The following EFL1 variants were observed in gnomAD, a reference collection of about 807,000 sequenced individuals.
The protein encoded by EFL1 is elongation factor-like GTPase 1.
In EFL1, 76 loss-of-function variants were observed where a neutral mutation model predicts 126.7. The observed-to-expected ratio is 0.60, with a 90% CI of 0.50 to 0.73. The LOEUF is 0.73. Ranked by LOEUF, EFL1 falls within the 30% of genes least tolerant of loss-of-function variation. The pLI is 0.00. For missense variants in EFL1, 1,128 were observed against 1,343.2 expected, an observed-to-expected ratio of 0.84 and a Z score of 2.50; for synonymous variants, 410 against 448.4, an observed-to-expected ratio of 0.91 and a Z score of 1.08.
At chr15:82,243,967 G>A (rs1272047013) in intron 4 of EFL1, among the ~76,000 whole-genome samples, 1 of 152,076 alleles carries the variant, frequency 6.6e-6, no homozygotes, top group Non-Finnish European at 1.5e-5. Flanking sequence ...ACATATTAAA[G>A]GTTCAGAGAA....
rs111707224 is a variant in EFL1, at chr15:82,141,687, CA to C, written c.2990-2846del. Reference sequence around the variant, plus strand: ...AGACTCGGTCTCCAAAAAAAAAAACCAAAAAAAAAAAAACAAAAAAGAAACG... The same window carrying C: ...AGACTCGGTCTCCAAAAAAAAAAACCAAAAAAAAAAAACAAAAAAGAAACG... On this transcript the variant is annotated intron_variant, in intron 18 of 19. Coordinates refer to ENST00000268206, the MANE Select transcript of EFL1 (RefSeq NM_024580.6). Among the ~76,000 whole-genome samples, 891 of 111,748 alleles carry C rather than the reference CA, an allele frequency of 8.0e-3. 5 individuals carry two copies. The highest frequency in any genetic ancestry group is 0.01 in the Non-Finnish European group (557 of 55,098). The allele number at this position is 111,748 out of a possible 152,430, so 73.3% of individuals were successfully genotyped here.
intron 18 of EFL1, among the ~76,000 whole-genome samples, chr15:82,146,867 A>G (rs968991604): frequency 3.3e-5 from 5 of 152,152 alleles, no homozygotes; most frequent in African/African-American, 1.2e-4. Context: ...TGCTCCAGAG[A>G]GAGGTGACAA....
rs190945911 is a variant in EFL1, at chr15:82,235,027, G to A, written c.731+3280C>T. On this transcript the variant is annotated intron_variant, in intron 7 of 19. Coordinates refer to ENST00000268206, the MANE Select transcript of EFL1 (RefSeq NM_024580.6). ...ACATGGCCTCAGCATGTGCAAATTC[G>A]GGAGAGGCAATAAGAAGAAATAAGG... 3.3e-5 allele frequency among the ~76,000 whole-genome samples: 5 copies of A among 152,118 alleles called. No homozygotes were observed. In the East Asian group the frequency reaches 5.8e-4, roughly 18 times the overall value.
At chr15:82,253,638 T>G (rs1225865651) in intron 3 of EFL1, among the ~76,000 whole-genome samples, 5 of 152,132 alleles carry the variant, frequency 3.3e-5, no homozygotes, top group Non-Finnish European at 7.4e-5. Context: ...GAAACAGAAG[T>G]CTCTAGAAGC....
chr15:82,184,824 T>C (rs1234259553), intron 15 of EFL1, among the ~76,000 whole-genome samples: 1 of 151,978 alleles, frequency 6.6e-6, no homozygotes, highest in Non-Finnish European at 1.5e-5. Context: ...TGAAATAGAG[T>C]GAAACAATCT....
intron 18 of EFL1, among the ~76,000 whole-genome samples, chr15:82,147,850 AGAAG>A (rs1436536822): frequency 1.3e-5 from 2 of 152,162 alleles, no homozygotes; most frequent in Admixed American, 6.5e-5. Flanking sequence ...CATGCACAGT[AGAAG>A]GAAGAAGAGG....
chr15:82,191,055 C>A (rs1204844272), intron 15 of EFL1, among the ~76,000 whole-genome samples: 5 of 150,838 alleles, frequency 3.3e-5, no homozygotes, highest in African/African-American at 7.3e-5. Flanking sequence ...TTTATTTTGT[C>A]AAGTAATTGC....
intron 17 of EFL1, among the ~76,000 whole-genome samples, chr15:82,157,059 G>T (rs1386051346): frequency 6.6e-6 from 1 of 152,098 alleles, no homozygotes; most frequent in African/African-American, 2.4e-5. Context: ...ACTTCCAGAA[G>T]TTTATCTTAA....
chr15:82,195,245 C>G (rs1376198405), intron 15 of EFL1, among the ~76,000 whole-genome samples: 1 of 152,072 alleles, frequency 6.6e-6, no homozygotes, highest in Non-Finnish European at 1.5e-5. Flanking sequence ...GAGCCAAACT[C>G]AAATCCAGAA....
intron 15 of EFL1, among the ~76,000 whole-genome samples, chr15:82,198,378 C>A (rs189337399): frequency 3.7e-4 from 57 of 152,324 alleles, no homozygotes; most frequent in Non-Finnish European, 7.3e-4. Context: ...GAAAGCCATT[C>A]TGGACCTCTC....
intron 17 of EFL1, among the ~76,000 whole-genome samples, chr15:82,153,483 G>C (rs1251918443): frequency 6.6e-6 from 1 of 152,050 alleles, no homozygotes; most frequent in Non-Finnish European, 1.5e-5. Flanking sequence ...TTATGTATGA[G>C]GCACTGTGTT....
At chr15:82,222,660 C>A (rs1424629171) in intron 12 of EFL1, among the ~76,000 whole-genome samples, 2 of 152,086 alleles carry the variant, frequency 1.3e-5, no homozygotes, top group Non-Finnish European at 2.9e-5. Context: ...TAGCGGGGAA[C>A]AAAGCAGATA....
intron 15 of EFL1, among the ~76,000 whole-genome samples, chr15:82,192,806 C>A (rs531252499): frequency 1.5e-4 from 22 of 151,552 alleles, no homozygotes; most frequent in African/African-American, 5.3e-4. Context: ...TTGAACTGCA[C>A]CAAACTGATA....
At chr15:82,238,190 A>G (rs911599621) in intron 7 of EFL1, 117 bp downstream of exon 7, 1 of 1,133,894 alleles carries the variant, frequency 8.8e-7, no homozygotes, top group African/African-American at 1.6e-5. Context: ...AACTCTCTGC[A>G]TTATCTCTTA....
intron 18 of EFL1, among the ~76,000 whole-genome samples, chr15:82,145,361 A>G (rs995656860): frequency 6.6e-6 from 1 of 151,854 alleles, no homozygotes; most frequent in Non-Finnish European, 1.5e-5. Context: ...CTGATACGTT[A>G]AAGTACATGT....
At chr15:82,192,299 C>T (rs1210386774) in intron 15 of EFL1, among the ~76,000 whole-genome samples, 1 of 151,198 alleles carries the variant, frequency 6.6e-6, no homozygotes, top group East Asian at 1.9e-4. Context: ...ACTCGGGAGG[C>T]TGAGGCAAGA....
chr15:82,246,325 GA>G (rs1352020395), intron 4 of EFL1, among the ~76,000 whole-genome samples: 2 of 152,140 alleles, frequency 1.3e-5, no homozygotes, highest in Middle Eastern at 3.4e-3. Context: ...ACCAGAATAA[GA>G]AACCCTGGAG....
Position 82,151,957 on chromosome 15 carries a change from GC to G in EFL1, c.2496del (p.Asn834ThrfsTer3). On this transcript the variant is annotated frameshift_variant, in exon 18 of 20. Transcript: ENST00000268206. LOFTEE classifies it high-confidence loss of function. ...TCACTTTTATTGACTAGTATGTTGG[GC>G]CCACATTTTCTTGGGCCAAATGACC... ...QIWSFGPRKC[G>X]PNILVNKSED... is the part of the protein sequence containing the mutation. The G allele has an allele frequency of 1.2e-6, 2 of 1,614,024 alleles. No homozygotes were observed. Among genetic ancestry groups the G allele is most frequent in the Middle Eastern group, 1.6e-4 (1 of 6,062 alleles).
At chr15:82,253,949 C>T (rs1425715118) in intron 3 of EFL1, among the ~76,000 whole-genome samples, 1 of 152,164 alleles carries the variant, frequency 6.6e-6, no homozygotes, top group African/African-American at 2.4e-5. Flanking sequence ...ATTCTCTCCA[C>T]TGTCAAACTT....
Sources: allele counts gnomAD v4.1 joint callset (sites outside exome capture counted in the v4.1 genomes callset), GRCh38; gene constraint gnomAD v4.1.1; transcripts MANE v1.5; gene names NCBI Gene and HGNC (gene_info 2026-07-23, HGNC 2026-07-21).